TSC22D1: variants seen among roughly 807,000 people sequenced by gnomAD.
TSC22D1 encodes TSC22 domain family member 1.
A neutral mutation model predicts 74.2 loss-of-function variants in TSC22D1; 9 were observed. That is an observed-to-expected ratio of 0.12 (90% CI 0.07 to 0.21). The LOEUF is 0.21. Among genes scored for constraint, TSC22D1 ranks in the 10% least tolerant of loss-of-function variants. The probability of loss-of-function intolerance (pLI) is 1.00; values close to 1 mark genes in which losing one functional copy is unlikely to be tolerated. For missense variants in TSC22D1, 1,427 were observed against 1,304.7 expected (o/e 1.09, Z -1.44); for synonymous variants, 586 against 492.5 (o/e 1.19, Z -2.51).
chr13:44,467,607 G>C (rs1406264098), intron 1 of TSC22D1, among the ~76,000 whole-genome samples: 1 of 152,038 alleles, frequency 6.6e-6, no homozygotes, highest in African/African-American at 2.4e-5. Flanking sequence ...TTTCTCAAAA[G>C]AAGATATACA....
chr13:44,516,514 A>AT (rs1184854953), intron 1 of TSC22D1, among the ~76,000 whole-genome samples: 1 of 152,132 alleles, frequency 6.6e-6, no homozygotes, highest in African/African-American at 2.4e-5. Flanking sequence ...ACCCCAACAC[A>AT]TCAAAGACAC....
chr13:44,464,290 T>G (rs543834232), intron 1 of TSC22D1, among the ~76,000 whole-genome samples: 14 of 152,368 alleles, frequency 9.2e-5, no homozygotes, highest in African/African-American at 3.4e-4. Flanking sequence ...TTTAAGGTTA[T>G]GTCACTTTCA....
At chr13:44,500,863 T>A (rs1879193966) in intron 1 of TSC22D1, among the ~76,000 whole-genome samples, 1 of 152,132 alleles carries the variant, frequency 6.6e-6, no homozygotes, top group Admixed American at 6.5e-5. Context: ...TTTTTTATTT[T>A]TTGTGAAGAT....
chr13:44,572,208 A>T (rs1883816458), intron 1 of TSC22D1, among the ~76,000 whole-genome samples: 1 of 152,342 alleles, frequency 6.6e-6, no homozygotes, highest in Admixed American at 6.5e-5. Flanking sequence ...TACTTTAAAA[A>T]TCAACATGAA....
intron 1 of TSC22D1, among the ~76,000 whole-genome samples, chr13:44,515,694 C>T (rs1342281274): frequency 6.6e-6 from 1 of 152,150 alleles, no homozygotes; most frequent in Non-Finnish European, 1.5e-5. Flanking sequence ...ACCTTGGCCT[C>T]CCAAAGTGCT....
chr13:44,487,521 A>AAAAG (rs1878496312), intron 1 of TSC22D1, among the ~76,000 whole-genome samples: 1 of 147,816 alleles, frequency 6.8e-6, no homozygotes, highest in African/African-American at 2.5e-5. Flanking sequence ...AAAAAAAAAA[A>AAAAG]AAAAAAGAAA....
chr13:44,466,979 A>G (rs1321772693), intron 1 of TSC22D1, among the ~76,000 whole-genome samples: 1 of 152,116 alleles, frequency 6.6e-6, no homozygotes, highest in Non-Finnish European at 1.5e-5. Flanking sequence ...CCTGGCCAAC[A>G]AAGCGAAACC....
intron 1 of TSC22D1, among the ~76,000 whole-genome samples, chr13:44,447,356 T>A (rs755103134): frequency 6.6e-6 from 1 of 152,142 alleles, no homozygotes; most frequent in South Asian, 2.1e-4. Context: ...TTAAAAGATA[T>A]AATGCAAGGA....
intron 1 of TSC22D1, chr13:44,437,370 T>C (rs1874800610): frequency 1.9e-6 from 1 of 525,110 alleles, no homozygotes; most frequent in Non-Finnish European, 2.4e-6. Flanking sequence ...TAGACGGTTT[T>C]ATTTTTAAAG....
intron 1 of TSC22D1, among the ~76,000 whole-genome samples, chr13:44,508,797 G>A (rs1017406286): frequency 6.6e-6 from 1 of 151,998 alleles, no homozygotes; most frequent in Non-Finnish European, 1.5e-5. Flanking sequence ...GCTGTTCCTC[G>A]AGCAAATCAA....
chr13:44,476,371 A>C (rs895618901), intron 1 of TSC22D1, among the ~76,000 whole-genome samples: 2 of 152,122 alleles, frequency 1.3e-5, no homozygotes, highest in Admixed American at 6.6e-5. Flanking sequence ...CAATTATATA[A>C]ATTATTTGTA....
chr13:44,455,293 A>T (rs1229318208), intron 1 of TSC22D1, among the ~76,000 whole-genome samples: 2 of 152,190 alleles, frequency 1.3e-5, no homozygotes, highest in Non-Finnish European at 2.9e-5. Context: ...AGCAAGGGGA[A>T]ATGCTGTATT....
At chr13:44,551,327 G>GTT (rs1345777883) in intron 1 of TSC22D1, among the ~76,000 whole-genome samples, 1 of 150,872 alleles carries the variant, frequency 6.6e-6, no homozygotes, top group Non-Finnish European at 1.5e-5. Context: ...GTGTGTGTGT[G>GTT]TGTGTGTGTG....
chr13:44,513,379 A>ATTTTTTTTTTT (rs1879828483), intron 1 of TSC22D1, among the ~76,000 whole-genome samples: 2 of 152,190 alleles, frequency 1.3e-5, no homozygotes, highest in Non-Finnish European at 2.9e-5. Flanking sequence ...ACATATATAA[A>ATTTTTTTTTTT]TGTTTTTGGT....
intron 2 of TSC22D1, among the ~76,000 whole-genome samples, chr13:44,435,586 G>A (rs1219143316): frequency 6.6e-6 from 1 of 152,096 alleles, no homozygotes; most frequent in Non-Finnish European, 1.5e-5. Context: ...CATTGTGAAG[G>A]AGCCCGCGCC....
chr13:44,481,158 T>G (rs1300720013), intron 1 of TSC22D1, among the ~76,000 whole-genome samples: 1 of 151,908 alleles, frequency 6.6e-6, no homozygotes, highest in African/African-American at 2.4e-5. Context: ...CTTCAGGAAG[T>G]AACAGGCAGC....
chr13:44,559,035 A>T (rs1882866959), intron 1 of TSC22D1, among the ~76,000 whole-genome samples: 1 of 152,234 alleles, frequency 6.6e-6, no homozygotes, highest in Admixed American at 6.5e-5. Flanking sequence ...TGTTTGGTGG[A>T]TCTCCATAGA....
chr13:44,436,204 G>A, intron 1 of TSC22D1, 109 bp from the exon 2 acceptor site: 2 of 1,250,246 alleles, frequency 1.6e-6, no homozygotes, highest in Non-Finnish European at 1.1e-6. Flanking sequence ...TATTTTGAAT[G>A]TTATTTAACA....
chr13:44,528,054 T>C (rs1026374818), intron 1 of TSC22D1, among the ~76,000 whole-genome samples: 1 of 152,076 alleles, frequency 6.6e-6, no homozygotes, highest in East Asian at 1.9e-4. Flanking sequence ...AGACAAAAAC[T>C]GATAGAAATG....
Sources: allele counts gnomAD v4.1 joint callset (sites outside exome capture counted in the v4.1 genomes callset), GRCh38; gene constraint gnomAD v4.1.1; transcripts MANE v1.5; gene names NCBI Gene and HGNC (gene_info 2026-07-23, HGNC 2026-07-21).